Variants in RTF2 observed in about 807,000 individuals in gnomAD.
RTF2 encodes replication termination factor 2.
Under a neutral mutation model 38.0 loss-of-function variants are expected in RTF2, and 18 were observed. That is an observed-to-expected ratio of 0.47 (90% confidence interval 0.33 to 0.70). The LOEUF (loss-of-function observed/expected upper bound fraction) is 0.70. RTF2 is among the 30% of genes least tolerant of loss of function. The pLI, the probability that RTF2 is intolerant of heterozygous loss-of-function variation, is 0.02. For missense variants in RTF2, 311 were observed against 379.6 expected (o/e 0.82, Z 1.50); for synonymous variants, 126 against 137.1 (o/e 0.92, Z 0.57).
At chr20:56,505,394 G>A (rs1002962819) in intron 5 of RTF2, among the ~76,000 whole-genome samples, 5 of 151,844 alleles carry the variant, frequency 3.3e-5, no homozygotes, top group African/African-American at 1.2e-4. Flanking sequence ...AGGCTAAGGT[G>A]GGAGGATTGC....
chr20:56,472,379 A>G, intron 1 of RTF2: 1 of 1,547,822 alleles, frequency 6.5e-7, no homozygotes, highest in Non-Finnish European at 8.7e-7. Flanking sequence ...GTGAAGGAAA[A>G]AACAAGAACG....
intron 5 of RTF2, among the ~76,000 whole-genome samples, chr20:56,509,310 G>A (rs886174263): frequency 2.6e-5 from 4 of 152,092 alleles, no homozygotes; most frequent in African/African-American, 9.7e-5. Context: ...CTCCCATTAG[G>A]ATGGTTATAA....
intron 6 of RTF2, among the ~76,000 whole-genome samples, chr20:56,514,833 C>T (rs779733269): frequency 3.3e-5 from 5 of 152,146 alleles, no homozygotes; most frequent in Non-Finnish European, 4.4e-5. Context: ...AGTAGAAATA[C>T]TCCGTGGAGC....
intron 2 of RTF2, 46 bp downstream of exon 2, chr20:56,473,441 G>GAGT (rs33947927): frequency 2.3e-6 from 3 of 1,277,332 alleles, no homozygotes; most frequent in East Asian, 5.2e-5. Flanking sequence ...AAGTGATTTT[G>GAGT]AGAATTTTGA....
intron 5 of RTF2, among the ~76,000 whole-genome samples, chr20:56,511,822 C>CA (rs1275503810): frequency 6.6e-6 from 1 of 152,092 alleles, no homozygotes; most frequent in African/African-American, 2.4e-5. Context: ...AGAGCCACTG[C>CA]ACTTGGGTTA....
intron 5 of RTF2, among the ~76,000 whole-genome samples, chr20:56,512,651 G>T (rs1984751335): frequency 6.6e-6 from 1 of 152,106 alleles, no homozygotes; most frequent in Non-Finnish European, 1.5e-5. Flanking sequence ...ATGCTTGGGG[G>T]TTTTCTGAAA....
intron 5 of RTF2, among the ~76,000 whole-genome samples, chr20:56,502,231 A>T (rs1190905546): frequency 6.6e-6 from 1 of 152,158 alleles, no homozygotes; most frequent in Non-Finnish European, 1.5e-5. Flanking sequence ...CAAGAACAGG[A>T]ATGATTTCCA....
intron 1 of RTF2, chr20:56,471,785 C>T (rs1199458392): frequency 6.6e-6 from 1 of 152,218 alleles, no homozygotes; most frequent in Non-Finnish European, 1.5e-5. Flanking sequence ...TTGAATATAA[C>T]CTAATCTCTT....
At chr20:56,472,327 T>C in intron 1 of RTF2, 1 of 1,526,030 alleles carries the variant, frequency 6.6e-7, no homozygotes, top group South Asian at 1.2e-5. Flanking sequence ...ATTATTCAGA[T>C]TTGGCATTTG....
chr20:56,499,690 TTAGTA>T (rs1983799319), intron 5 of RTF2, among the ~76,000 whole-genome samples: 1 of 152,058 alleles, frequency 6.6e-6, no homozygotes, highest in African/African-American at 2.4e-5. Context: ...TATTATGACT[TTAGTA>T]TAGGAAGAAG....
intron 1 of RTF2, among the ~76,000 whole-genome samples, chr20:56,469,206 C>T (rs570231185): frequency 6.6e-6 from 1 of 152,316 alleles, no homozygotes; most frequent in East Asian, 1.9e-4. Flanking sequence ...CCAAACTGTT[C>T]CCTTACCACA....
intron 3 of RTF2, among the ~76,000 whole-genome samples, chr20:56,475,688 A>G (rs1982203669): frequency 6.6e-6 from 1 of 152,186 alleles, no homozygotes; most frequent in African/African-American, 2.4e-5. Flanking sequence ...CCATGTGCAC[A>G]TGTAAGATGT....
chr20:56,507,105 A>T (rs1047943638), intron 5 of RTF2, among the ~76,000 whole-genome samples: 2 of 152,204 alleles, frequency 1.3e-5, no homozygotes, highest in African/African-American at 4.8e-5. Context: ...TTTCTACCGT[A>T]CAATAGCAGT....
intron 4 of RTF2, among the ~76,000 whole-genome samples, chr20:56,481,016 C>A (rs1017520665): frequency 6.6e-6 from 1 of 152,148 alleles, no homozygotes; most frequent in Non-Finnish European, 1.5e-5. Context: ...GACACACCTG[C>A]CAGATGCAGG....
At chr20:56,516,426 C>G (rs1352934739) in intron 6 of RTF2, 1 of 153,224 alleles carries the variant, frequency 6.5e-6, no homozygotes, top group Admixed American at 6.5e-5. Context: ...AGAATTAGCT[C>G]AACTGTCTTT....
chr20:56,472,486 G>T (rs1982023891), intron 1 of RTF2: 2 of 850,496 alleles, frequency 2.4e-6, no homozygotes, highest in Non-Finnish European at 3.9e-6. Context: ...GATAAAGTTT[G>T]ATGTATCCCT....
At position 56,474,696 on chromosome 20, in the gene RTF2, C is replaced by T. The variant is rs138507928; in HGVS notation, c.183C>T (p.Ala61=). The stretch of plus-strand genomic sequence containing the variant: ...ATTGCAGACTTTATAACAAAGATGC[C>T]GTCATTGAATTTCTCTTGGACAAAT... ...CELGRLYNKD[A]VIEFLLDKSA... is the part of the protein sequence containing the mutation. Residue 61 remains alanine (A), a synonymous_variant, in exon 3 of 9, where the codon GCC becomes GCT. Transcript: ENST00000357348. The T allele has an allele frequency of 7.5e-4, 1,201 of 1,607,906 alleles. 2 individuals are homozygous for T. The highest frequency in any genetic ancestry group is 9.4e-4 in the Non-Finnish European group (1,112 of 1,177,582).
intron 4 of RTF2, among the ~76,000 whole-genome samples, chr20:56,483,197 G>A (rs1047653000): frequency 2.0e-5 from 3 of 152,004 alleles, no homozygotes; most frequent in Non-Finnish European, 2.9e-5. Flanking sequence ...ACACTTGTGG[G>A]CATGTTTCTG....
At chr20:56,477,935 GA>G (rs1345903472) in intron 4 of RTF2, among the ~76,000 whole-genome samples, 1 of 152,224 alleles carries the variant, frequency 6.6e-6, no homozygotes, top group Non-Finnish European at 1.5e-5. Flanking sequence ...GTAGCACTGG[GA>G]ATCTTATGGT....
Sources: gnomAD v4.1 joint callset for allele counts (sites outside exome capture counted in the v4.1 genomes callset) on GRCh38, gnomAD v4.1.1 for gene constraint, MANE v1.5 for transcripts, NCBI Gene and HGNC (gene_info 2026-07-23, HGNC 2026-07-21) for gene names.